DNM3: variants seen among roughly 807,000 people sequenced by gnomAD.
DNM3 encodes dynamin-3.
DNM3 carries 47 observed loss-of-function variants against 101.6 expected under a neutral mutation model. The observed-to-expected ratio is 0.46, with a 90% CI of 0.37 to 0.59. The LOEUF is 0.59. Among genes scored for constraint, DNM3 ranks in the 20% least tolerant of loss-of-function variants. The pLI is 0.00. For synonymous variants in DNM3, 385 were observed against 387.9 expected (o/e 0.99, Z 0.09); for missense variants, 849 against 1,085.7 (o/e 0.78, Z 3.06).
intron 2 of DNM3, among the ~76,000 whole-genome samples, chr1:171,976,476 T>C (rs2044379914): frequency 6.6e-6 from 1 of 152,222 alleles, no homozygotes; most frequent in Non-Finnish European, 1.5e-5. Context: ...CCATCAGCTC[T>C]TGTGAGACTT....
chr1:172,006,972 T>G (rs1332416604), intron 4 of DNM3, among the ~76,000 whole-genome samples: 2 of 152,196 alleles, frequency 1.3e-5, no homozygotes, highest in Middle Eastern at 3.2e-3. Context: ...TCATTCATGC[T>G]GCTGCATGTT....
At chr1:172,386,206 T>C (rs900944424) in intron 18 of DNM3, among the ~76,000 whole-genome samples, 2 of 152,242 alleles carry the variant, frequency 1.3e-5, no homozygotes, top group African/African-American at 4.8e-5. Flanking sequence ...TGAAGATGCA[T>C]CTTATACTCA....
chr1:172,060,606 C>T (rs1252012398), intron 10 of DNM3, among the ~76,000 whole-genome samples: 1 of 86,262 alleles, frequency 1.2e-5, no homozygotes, highest in Non-Finnish European at 2.1e-5. Flanking sequence ...AAAGGATTCC[C>T]TATTTAATAA....
intron 14 of DNM3, chr1:172,138,950 C>T (rs2148138728): frequency 2.1e-6 from 1 of 471,900 alleles, no homozygotes; most frequent in East Asian, 7.0e-5. Context: ...CAGATACAAT[C>T]AGCCTGTTTT....
chr1:172,414,236 A>T (rs912740371), downstream of DNM3, among the ~76,000 whole-genome samples: 1 of 152,186 alleles, frequency 6.6e-6, no homozygotes, highest in African/African-American at 2.4e-5. Flanking sequence ...CAGACCTGTT[A>T]CTAGTATTAT....
At chr1:172,245,827 G>A (rs191310679) in intron 14 of DNM3, among the ~76,000 whole-genome samples, 11 of 152,248 alleles carry the variant, frequency 7.2e-5, no homozygotes, top group African/African-American at 2.6e-4. Context: ...TGGAAATTTA[G>A]GCCTGTGTTC....
chr1:172,384,605 T>A (rs576999398), intron 18 of DNM3, among the ~76,000 whole-genome samples: 1 of 152,352 alleles, frequency 6.6e-6, no homozygotes, highest in Non-Finnish European at 1.5e-5. Context: ...CAGTGTGTCA[T>A]AATTGCTGTG....
intron 16 of DNM3, chr1:172,310,919 A>C (rs541285485): frequency 5.9e-5 from 9 of 152,320 alleles, no homozygotes; most frequent in African/African-American, 1.9e-4. Flanking sequence ...ATGTGAGTTC[A>C]AGCAGGGCTG....
At chr1:172,170,889 G>A (rs534185352) in intron 14 of DNM3, among the ~76,000 whole-genome samples, 9 of 151,820 alleles carry the variant, frequency 5.9e-5, no homozygotes, top group African/African-American at 2.2e-4. Flanking sequence ...TGCCAACTCT[G>A]TCTTCATTTT....
intron 4 of DNM3, among the ~76,000 whole-genome samples, chr1:172,014,978 A>G (rs1455803614): frequency 2.0e-5 from 3 of 152,038 alleles, no homozygotes; most frequent in Non-Finnish European, 2.9e-5. Flanking sequence ...GTTTGTGTCT[A>G]TATTCATCTT....
rs192634065 is a variant in DNM3, at chr1:172,368,971, C to T, written c.1894-10047C>T. ...CTTGAACAGAACAACAATTCGGTAACGAAACTGAGTCAGTAATTAAAGTCT... is the reference window on the plus strand; with the variant it reads ...CTTGAACAGAACAACAATTCGGTAATGAAACTGAGTCAGTAATTAAAGTCT... On this transcript the variant is annotated intron_variant, in intron 17 of 20. Coordinates refer to ENST00000627582, the MANE Select transcript of DNM3 (RefSeq NM_015569.5). Among the ~76,000 whole-genome samples, 8 of 151,836 alleles carry T rather than the reference C, an allele frequency of 5.3e-5. No homozygotes were observed. In the South Asian group the frequency reaches 6.2e-4, roughly 12 times the overall value.
chr1:172,288,773 G>T (rs865936251), intron 15 of DNM3, among the ~76,000 whole-genome samples: 6 of 152,174 alleles, frequency 3.9e-5, no homozygotes, highest in Admixed American at 3.3e-4. Context: ...TTTAGGGGAA[G>T]AGAAGATTTG....
chr1:172,296,662 G>C (rs1332692356), intron 15 of DNM3, among the ~76,000 whole-genome samples: 2 of 151,910 alleles, frequency 1.3e-5, no homozygotes, highest in African/African-American at 4.8e-5. Context: ...CAATTATAAG[G>C]GTTTGTTTCG....
At chr1:172,088,526 G>T (rs150265694) in intron 12 of DNM3, among the ~76,000 whole-genome samples, 1 of 151,852 alleles carries the variant, frequency 6.6e-6, no homozygotes, top group Admixed American at 6.6e-5. Flanking sequence ...TGGCCCCAAC[G>T]TACAGTTATT....
downstream of DNM3, among the ~76,000 whole-genome samples, chr1:172,417,674 A>G (rs1007914588): frequency 1.3e-5 from 2 of 152,212 alleles, no homozygotes; most frequent in African/African-American, 4.8e-5. Context: ...ATTACACACC[A>G]GGACTACTCA....
At chr1:172,022,136 A>T (rs1283269921) in intron 4 of DNM3, among the ~76,000 whole-genome samples, 1 of 152,116 alleles carries the variant, frequency 6.6e-6, no homozygotes, top group African/African-American at 2.4e-5. Context: ...CATGCCACAC[A>T]GTCTGTGACT....
At chr1:171,975,311 G>C (rs569963878) in intron 2 of DNM3, among the ~76,000 whole-genome samples, 1 of 152,264 alleles carries the variant, frequency 6.6e-6, no homozygotes, top group East Asian at 1.9e-4. Context: ...ATATGTCCAA[G>C]AATTTCCATG....
At chr1:172,200,231 C>T (rs756572250) in intron 14 of DNM3, among the ~76,000 whole-genome samples, 1 of 152,072 alleles carries the variant, frequency 6.6e-6, no homozygotes, top group African/African-American at 2.4e-5. Context: ...TGAGTATAGG[C>T]CCCCAATCTC....
chr1:172,408,211 C>CGGA lies in DNM3; in HGVS notation c.*370_*371insGGA. ...AATTCTTCAGATATGAGATAGTGGG[C>CGGA]TTAGACCTAAGCCATACATATTTCT... is the stretch of plus-strand genomic sequence containing the variant. On this transcript the variant is annotated 3_prime_UTR_variant, in exon 21 of 21. Coordinates refer to ENST00000627582, the MANE Select transcript of DNM3 (RefSeq NM_015569.5). 1.9e-6 allele frequency: 2 copies of CGGA among 1,043,744 alleles called. No homozygotes were observed. The allele number at this position is 1,043,744 out of a possible 1,614,324, so 64.7% of individuals were successfully genotyped here.
Sources: allele counts gnomAD v4.1 joint callset (sites outside exome capture counted in the v4.1 genomes callset), GRCh38; gene constraint gnomAD v4.1.1; transcripts MANE v1.5; gene names NCBI Gene and HGNC (gene_info 2026-07-23, HGNC 2026-07-21).